The following SSBP2 variants were observed in gnomAD, a reference collection of about 807,000 sequenced individuals.
The protein encoded by SSBP2 is single-stranded DNA-binding protein 2.
In SSBP2, 17 loss-of-function variants were observed where a neutral mutation model predicts 61.8. The observed-to-expected ratio is 0.28, with a 90% CI of 0.19 to 0.41. The LOEUF (loss-of-function observed/expected upper bound fraction) is 0.41, where lower values mean the gene tolerates loss of function less well. SSBP2 is among the 10% of genes least tolerant of loss of function. SSBP2 has a pLI of 1.00. For missense variants in SSBP2, 310 were observed against 458.7 expected, an observed-to-expected ratio of 0.68 and a Z score of 2.96; for synonymous variants, 139 against 141.3, an observed-to-expected ratio of 0.98 and a Z score of 0.12.
chr5:81,619,721 C>T (rs1267436639), intron 3 of SSBP2, among the ~76,000 whole-genome samples: 3 of 51,734 alleles, frequency 5.8e-5, no homozygotes, highest in Non-Finnish European at 1.0e-4. Flanking sequence ...ACTGGCAAAC[C>T]GAATCCAGCA....
chr5:81,509,710 CTAGA>C (rs1423589858), intron 5 of SSBP2, among the ~76,000 whole-genome samples: 4 of 152,016 alleles, frequency 2.6e-5, no homozygotes, highest in African/African-American at 9.7e-5. Flanking sequence ...AATAGTCTGC[CTAGA>C]TAAACAGAAA....
rs974697607 is a variant in SSBP2 at position 81,418,998 on chromosome 5, CA to C, written c.*1505del. ...ATGGTTGTTTGTATCACAATTTTAACACAAAGGATCACCCAGTTATCTTTCA... is the reference window on the plus strand; with the variant it reads ...ATGGTTGTTTGTATCACAATTTTAACCAAAGGATCACCCAGTTATCTTTCA... On this transcript the variant is annotated 3_prime_UTR_variant, in exon 17 of 17. Transcript: ENST00000320672. 1.5e-4 allele frequency: 23 copies of C among 152,250 alleles called. No homozygotes were observed. Among genetic ancestry groups the C allele is most frequent in the African/African-American group, 5.5e-4 (23 of 41,552 alleles). The allele number at this position is 152,250 out of a possible 1,614,324, so 9.4% of individuals were successfully genotyped here.
chr5:81,525,405 C>T (rs1769843186), intron 4 of SSBP2, among the ~76,000 whole-genome samples: 1 of 151,984 alleles, frequency 6.6e-6, no homozygotes, highest in Admixed American at 6.6e-5. Flanking sequence ...AATCATTTAG[C>T]ACCCACTTAT....
intron 5 of SSBP2, among the ~76,000 whole-genome samples, chr5:81,489,712 G>T (rs1257202986): frequency 6.6e-6 from 1 of 152,078 alleles, no homozygotes; most frequent in Admixed American, 6.5e-5. Context: ...GAATTGTTTG[G>T]TTTGGTTATC....
rs900485418 is a variant in SSBP2 at position 81,739,985 on chromosome 5, C to T, written c.62+10996G>A. 5.9e-5 allele frequency among the ~76,000 whole-genome samples: 9 copies of T among 152,036 alleles called. No individual in the cohort carries two copies. The East Asian group carries it at 1.5e-3, about 26-fold the overall frequency. On this transcript the variant is annotated intron_variant, in intron 1 of 16. Transcript: ENST00000320672. ...TTATCTTGTCAATGATCACTCTTGT[C>T]GATTATACTCCTATCTTACAGAAAA...
intron 1 of SSBP2, among the ~76,000 whole-genome samples, chr5:81,694,937 C>A (rs1452722415): frequency 6.6e-6 from 1 of 152,170 alleles, no homozygotes; most frequent in Non-Finnish European, 1.5e-5. Flanking sequence ...GAGTTGAAGA[C>A]TGCAGTGAGC....
chr5:81,530,556 C>T (rs1022834936), intron 4 of SSBP2, among the ~76,000 whole-genome samples: 1 of 151,840 alleles, frequency 6.6e-6, no homozygotes, highest in African/African-American at 2.4e-5. Flanking sequence ...AGGCTGCCAA[C>T]AGTTATCTTT....
At chr5:81,476,018 C>T (rs1380322880) in intron 6 of SSBP2, among the ~76,000 whole-genome samples, 2 of 152,070 alleles carry the variant, frequency 1.3e-5, no homozygotes, top group East Asian at 1.9e-4. Flanking sequence ...AATACCTTGA[C>T]TCGGATTGCC....
At chr5:81,749,610 A>T (rs1192108728) in intron 1 of SSBP2, among the ~76,000 whole-genome samples, 2 of 151,776 alleles carry the variant, frequency 1.3e-5, no homozygotes, top group Admixed American at 6.6e-5. Flanking sequence ...GACAAGGATA[A>T]CTCTGACCCT....
chr5:81,736,045 C>T lies in SSBP2; in HGVS notation c.62+14936G>A, dbSNP rs528553970. On this transcript the variant is annotated intron_variant, in intron 1 of 16. Transcript: ENST00000320672. The stretch of plus-strand genomic sequence containing the variant: ...TCTTAAGAGTGGGCCCCACTGGCCT[C>T]AGGATGAATTCATAATTCTTAGGCT... Among the ~76,000 whole-genome samples the T allele has an allele frequency of 2.6e-5, 4 of 152,186 alleles. No homozygotes were observed. The South Asian group carries it at 6.2e-4, about 24-fold the overall frequency.
intron 1 of SSBP2, among the ~76,000 whole-genome samples, chr5:81,687,696 G>A (rs1752918818): frequency 6.6e-6 from 1 of 152,188 alleles, no homozygotes. Flanking sequence ...GCAGAGTCGT[G>A]AAGTTACCAT....
intron 3 of SSBP2, among the ~76,000 whole-genome samples, chr5:81,629,557 C>T (rs1747497797): frequency 6.6e-6 from 1 of 152,178 alleles, no homozygotes; most frequent in African/African-American, 2.4e-5. Context: ...GCTCCAATTA[C>T]CCTTCTCTCA....
chr5:81,427,503 C>T (rs111809712), intron 16 of SSBP2, among the ~76,000 whole-genome samples: 2,298 of 152,232 alleles, frequency 0.015, 28 homozygotes, highest in Non-Finnish European at 0.025. Context: ...CCACAGAGCA[C>T]TCAATCTTGT....
intron 1 of SSBP2, among the ~76,000 whole-genome samples, chr5:81,687,705 A>G (rs1415476477): frequency 6.6e-6 from 1 of 152,184 alleles, no homozygotes; most frequent in East Asian, 1.9e-4. Context: ...TGAAGTTACC[A>G]TTCCAGGCCC....
intron 4 of SSBP2, among the ~76,000 whole-genome samples, chr5:81,522,822 CT>C: frequency 6.6e-6 from 1 of 152,110 alleles, no homozygotes; most frequent in African/African-American, 2.4e-5. Flanking sequence ...CACTGTGCTA[CT>C]TTTTTTGGTC....
chr5:81,531,814 G>T (rs1770433060), intron 4 of SSBP2, among the ~76,000 whole-genome samples: 1 of 152,022 alleles, frequency 6.6e-6, no homozygotes, highest in Non-Finnish European at 1.5e-5. Flanking sequence ...TAAGAAACAT[G>T]AAATTCTAAG....
chr5:81,437,719 G>A, intron 14 of SSBP2: 1 of 258,084 alleles, frequency 3.9e-6, no homozygotes, highest in Non-Finnish European at 7.4e-6. Context: ...TGTTATCATA[G>A]ATTCCTAAAT....
intron 4 of SSBP2, among the ~76,000 whole-genome samples, chr5:81,592,651 G>A (rs1743189654): frequency 6.6e-6 from 1 of 152,226 alleles, no homozygotes; most frequent in Non-Finnish European, 1.5e-5. Context: ...AACTTCCAGA[G>A]GAACCATCAG....
At chr5:81,448,662 A>C in intron 11 of SSBP2, 128 bp downstream of exon 11, 2 of 886,554 alleles carry the variant, frequency 2.3e-6, no homozygotes, top group South Asian at 3.0e-5. Context: ...TTGGCAGATG[A>C]AACAACTCAA....
Sources: allele counts gnomAD v4.1 joint callset (sites outside exome capture counted in the v4.1 genomes callset), GRCh38; gene constraint gnomAD v4.1.1; transcripts MANE v1.5; gene names NCBI Gene and HGNC (gene_info 2026-07-23, HGNC 2026-07-21).